ABCA1: variants seen among roughly 807,000 people sequenced by gnomAD.
ABCA1 encodes ATP binding cassette subfamily A member 1, also known as phospholipid-transporting ATPase ABCA1.
ABCA1 carries 133 observed loss-of-function variants against 262.5 expected under a neutral mutation model. That is an observed-to-expected ratio of 0.51 (90% CI 0.44 to 0.59). The LOEUF (loss-of-function observed/expected upper bound fraction) is 0.59. ABCA1 is among the 20% of genes least tolerant of loss of function. The pLI is 0.00. For missense variants in ABCA1, 2,452 were observed against 2,777.5 expected (o/e 0.88, Z 2.63); for synonymous variants, 1,022 against 1,043.5 (o/e 0.98, Z 0.40).
At position 104,785,434 on chromosome 9, in the gene ABCA1, T is replaced by G. The variant is rs1175353903; in HGVS notation, c.6607A>C (p.Ile2203Leu). Reference protein sequence around the residue: ...ILSQSKKRLHIEDYSVSQTTL... With the variant: ...ILSQSKKRLHLEDYSVSQTTL... ...GTCTGAGAAACAGAGTAGTCTTCTA[T>G]GTGGAGTCGCTTTTTGCTCTGGGAG... The change falls in exon 49 of 50, where the codon ATA becomes CTA. Residue 2203 changes from isoleucine to leucine, a missense_variant. Transcript: ENST00000374736. The G allele has an allele frequency of 3.1e-6, 5 of 1,613,998 alleles. No individual in the cohort carries two copies. In the South Asian group the frequency reaches 3.3e-5, roughly 11 times the overall value.
chr9:104,847,333 C>T (rs1469422818), intron 7 of ABCA1, among the ~76,000 whole-genome samples: 3 of 152,108 alleles, frequency 2.0e-5, no homozygotes, highest in Non-Finnish European at 2.9e-5. Context: ...TCCATTTTCT[C>T]GACTATGCAG....
At chr9:104,854,269 C>A (rs971329019) in intron 7 of ABCA1, among the ~76,000 whole-genome samples, 6 of 152,120 alleles carry the variant, frequency 3.9e-5, no homozygotes, top group Admixed American at 6.5e-5. Flanking sequence ...TGGATGAGCT[C>A]CAAAGCAGAT....
At chr9:104,866,784 G>A (rs970400398) in intron 5 of ABCA1, among the ~76,000 whole-genome samples, 10 of 152,248 alleles carry the variant, frequency 6.6e-5, no homozygotes, top group East Asian at 1.9e-4. Context: ...CACCGCGCCC[G>A]GCGTTTTGTG....
intron 1 of ABCA1, among the ~76,000 whole-genome samples, chr9:104,926,470 C>CAAAA (rs781060719): frequency 1.7e-5 from 2 of 118,776 alleles, no homozygotes; most frequent in Non-Finnish European, 3.5e-5. Flanking sequence ...ACCAAAAAAA[C>CAAAA]AAAAAAAAAA....
chr9:104,906,605 A>T (rs2777794), intron 1 of ABCA1, among the ~76,000 whole-genome samples: 94,035 of 151,706 alleles, frequency 0.62, 30,062 homozygotes, highest in East Asian at 0.82. Flanking sequence ...TGCTCCCCCA[A>T]CTCAGAACAC....
chr9:104,840,857 C>A (rs1834302207), intron 8 of ABCA1, among the ~76,000 whole-genome samples: 2 of 152,190 alleles, frequency 1.3e-5, no homozygotes, highest in East Asian at 1.9e-4. Context: ...TTGAGAAGCA[C>A]AGCCTGGAGT....
At chr9:104,919,369 T>C (rs927807071) in intron 1 of ABCA1, among the ~76,000 whole-genome samples, 3 of 152,124 alleles carry the variant, frequency 2.0e-5, no homozygotes, top group Admixed American at 6.6e-5. Flanking sequence ...CCCAGCACTC[T>C]GGGAAGCCAA....
At chr9:104,786,147 A>G (rs191489038) in intron 48 of ABCA1, 151 bp downstream of exon 48, 23 of 688,418 alleles carry the variant, frequency 3.3e-5, no homozygotes, top group Admixed American at 1.9e-4. Flanking sequence ...ATTTGAATGC[A>G]GTTCGGACTT....
At chr9:104,861,634 TA>T in intron 6 of ABCA1, 44 bp downstream of exon 6, 1 of 1,613,152 alleles carries the variant, frequency 6.2e-7, no homozygotes, top group Non-Finnish European at 8.5e-7. Context: ...CTGCACAACG[TA>T]ATTGCCATCA....
intron 14 of ABCA1, among the ~76,000 whole-genome samples, chr9:104,829,943 TAC>T (rs59055896): frequency 0.068 from 9,519 of 140,390 alleles, 338 homozygotes; most frequent in Middle Eastern, 0.12. Context: ...TCCTGATCCC[TAC>T]ACACACACAC....
At chr9:104,804,602 G>A (rs368766771) in intron 32 of ABCA1, 24 bp downstream of exon 32, 11 of 1,590,614 alleles carry the variant, frequency 6.9e-6, no homozygotes, top group African/African-American at 4.0e-5. Context: ...AATACGGCAG[G>A]GGCCAAGTTT....
At chr9:104,865,515 C>CAAAAAAAAAAA (rs925876847) in intron 5 of ABCA1, among the ~76,000 whole-genome samples, 1,024 of 66,776 alleles carry the variant, frequency 0.015, 35 homozygotes, top group African/African-American at 0.051. Context: ...GACTCTGTCT[C>CAAAAAAAAAAA]AAAAAAAAAA....
intron 8 of ABCA1, among the ~76,000 whole-genome samples, chr9:104,841,364 C>T (rs1001385929): frequency 1.3e-5 from 2 of 151,746 alleles, no homozygotes; most frequent in African/African-American, 2.4e-5. Flanking sequence ...TGCTTGAACC[C>T]GGGAGGCAGA....
intron 5 of ABCA1, among the ~76,000 whole-genome samples, chr9:104,862,634 C>CCGGGCT (rs1836530308): frequency 1.6e-5 from 1 of 62,144 alleles, no homozygotes; most frequent in Non-Finnish European, 3.2e-5. Flanking sequence ...TGCAGACTGC[C>CCGGGCT]GGGCCGGGCC....
intron 5 of ABCA1, among the ~76,000 whole-genome samples, chr9:104,866,603 TC>T (rs745776696): frequency 3.2e-4 from 49 of 152,028 alleles, no homozygotes; most frequent in Non-Finnish European, 6.3e-4. Flanking sequence ...TGCCTCAGCC[TC>T]CCGAGTTGTT....
chr9:104,838,336 G>A (rs553843412), intron 9 of ABCA1, among the ~76,000 whole-genome samples: 7 of 149,428 alleles, frequency 4.7e-5, no homozygotes, highest in Middle Eastern at 3.6e-3. Flanking sequence ...TCAACAGGGC[G>A]CAGTGGTTCA....
At chr9:104,816,984 C>T (rs1831833508) in intron 24 of ABCA1, among the ~76,000 whole-genome samples, 1 of 152,126 alleles carries the variant, frequency 6.6e-6, no homozygotes, top group Non-Finnish European at 1.5e-5. Context: ...CTCCTGGGCT[C>T]TCACTCTTCT....
At chr9:104,909,023 G>A (rs1056423365) in intron 1 of ABCA1, among the ~76,000 whole-genome samples, 2 of 152,120 alleles carry the variant, frequency 1.3e-5, no homozygotes, top group Admixed American at 6.5e-5. Context: ...CAAATAAACT[G>A]CCTTCTATTA....
At chr9:104,795,555 A>C (rs1829823781) in intron 39 of ABCA1, among the ~76,000 whole-genome samples, 1 of 152,210 alleles carries the variant, frequency 6.6e-6, no homozygotes, top group African/African-American at 2.4e-5. Flanking sequence ...AAAAGCATTA[A>C]GTTCCAAGGG....
Sources: gnomAD v4.1 joint callset for allele counts (sites outside exome capture counted in the v4.1 genomes callset) on GRCh38, gnomAD v4.1.1 for gene constraint, MANE v1.5 for transcripts, NCBI Gene and HGNC (gene_info 2026-07-23, HGNC 2026-07-21) for gene names.